The following DSG2 variants were observed in gnomAD, a reference collection of about 807,000 sequenced individuals.
DSG2 encodes the protein desmoglein-2.
DSG2 carries 45 observed loss-of-function variants against 75.6 expected under a neutral mutation model. The ratio of observed to expected loss-of-function variants is 0.60; its 90% CI spans 0.47 to 0.76. The LOEUF is 0.76. DSG2 is among the 30% of genes least tolerant of loss of function. The pLI is 0.00. For missense variants in DSG2, 1,267 were observed against 1,357.4 expected (o/e 0.93, Z 1.05); for synonymous variants, 429 against 483.9 (o/e 0.89, Z 1.49).
intron 1 of DSG2, among the ~76,000 whole-genome samples, chr18:31,501,459 G>A (rs1424956885): frequency 6.6e-6 from 1 of 152,206 alleles, no homozygotes; most frequent in Non-Finnish European, 1.5e-5. Flanking sequence ...CAACAAAAAT[G>A]TATGATCTCA....
rs780300040 is a variant in DSG2 at position 31,519,893 on chromosome 18, C to T, written c.172C>T (p.Leu58Phe). 4 of 1,614,142 alleles carry T rather than the reference C, an allele frequency of 2.5e-6. No homozygotes were observed. The South Asian group carries it at 3.3e-5, about 13-fold the overall frequency. Residue 58 changes from leucine (L) to phenylalanine (F), a missense_variant, in exon 3 of 15, where the codon CTT becomes TTT. Transcript: ENST00000261590. Reference protein sequence around the residue: ...KRAWITAPVALREGEDLSKKN... With the variant: ...KRAWITAPVAFREGEDLSKKN... ...CGCCTGGATCACCGCCCCCGTGGCT[C>T]TTCGGGAGGGAGAGGATCTGTCCAA...
rs752432726 is a variant in DSG2, at chr18:31,524,754, A to C, written c.880A>C (p.Lys294Gln). The C allele has an allele frequency of 6.2e-7, 1 of 1,614,208 alleles. No homozygotes were observed. The change falls in exon 8 of 15, where the codon AAA becomes CAA. Residue 294 changes from lysine (K) to glutamine (Q), a missense_variant. Coordinates refer to ENST00000261590, the MANE Select transcript of DSG2 (RefSeq NM_001943.5). ...AGTCAACGTAGAAGTTACGCGCATA[A>C]AAGTGTTCGATGCAGATGAAATAGG... Reference protein sequence around the residue: ...NQVNVEVTRIKVFDADEIGSD... With the variant: ...NQVNVEVTRIQVFDADEIGSD...
At chr18:31,500,152 GT>G (rs2073006563) in intron 1 of DSG2, among the ~76,000 whole-genome samples, 1 of 151,928 alleles carries the variant, frequency 6.6e-6, no homozygotes, top group Non-Finnish European at 1.5e-5. Context: ...TCAGAGTTCA[GT>G]TGCAAATAAC....
At chr18:31,517,490 C>T (rs2144310366) in intron 1 of DSG2, among the ~76,000 whole-genome samples, 1 of 152,156 alleles carries the variant, frequency 6.6e-6, no homozygotes, top group Middle Eastern at 3.4e-3. Flanking sequence ...TAATTGACAT[C>T]CCAAGTATAC....
chr18:31,527,942 C>T (rs1036912693), intron 8 of DSG2, among the ~76,000 whole-genome samples: 1 of 152,148 alleles, frequency 6.6e-6, no homozygotes, highest in African/African-American at 2.4e-5. Flanking sequence ...TTTGAAAGAG[C>T]ATTGATCCCA....
At chr18:31,500,856 AAAGAGTTCCT>A (rs2073010120) in intron 1 of DSG2, among the ~76,000 whole-genome samples, 1 of 152,218 alleles carries the variant, frequency 6.6e-6, no homozygotes, top group Admixed American at 6.5e-5. Flanking sequence ...GATAGAATTC[AAAGAGTTCCT>A]AGAGATGGCA....
chr18:31,545,266 C>T (rs925398555), intron 14 of DSG2, among the ~76,000 whole-genome samples: 12 of 152,204 alleles, frequency 7.9e-5, no homozygotes, highest in Non-Finnish European at 1.3e-4. Flanking sequence ...CATTTTGCCA[C>T]ATTTGCTATT....
At chr18:31,515,611 A>G (rs1355108699) in intron 1 of DSG2, among the ~76,000 whole-genome samples, 1 of 152,204 alleles carries the variant, frequency 6.6e-6, no homozygotes, top group Non-Finnish European at 1.5e-5. Context: ...GGTTAGAGAC[A>G]TCTCTGGCCA....
intron 1 of DSG2, among the ~76,000 whole-genome samples, chr18:31,505,932 C>T (rs796423876): frequency 7.9e-5 from 12 of 152,250 alleles, no homozygotes; most frequent in African/African-American, 2.6e-4. Context: ...GGATTACAGG[C>T]GTGAGCCACC....
chr18:31,515,911 G>A (rs1446989413), intron 1 of DSG2, among the ~76,000 whole-genome samples: 2 of 152,212 alleles, frequency 1.3e-5, no homozygotes, highest in Admixed American at 6.5e-5. Flanking sequence ...GGAATGCCTT[G>A]TTTCCCATGA....
At chr18:31,533,986 T>C (rs1403714255) in intron 9 of DSG2, among the ~76,000 whole-genome samples, 1 of 132,996 alleles carries the variant, frequency 7.5e-6, no homozygotes, top group Non-Finnish European at 1.6e-5. Context: ...ACATTTCTTT[T>C]TTTTCTTTTT....
At chr18:31,524,230 T>C (rs909301225) in intron 6 of DSG2, among the ~76,000 whole-genome samples, 5 of 152,340 alleles carry the variant, frequency 3.3e-5, no homozygotes, top group East Asian at 3.9e-4. Flanking sequence ...CAATGACTTA[T>C]TGAAGAATTT....
intron 9 of DSG2, among the ~76,000 whole-genome samples, chr18:31,534,508 A>ATTTTTTTTTTT (rs80270967): frequency 5.3e-5 from 6 of 112,584 alleles, no homozygotes; most frequent in East Asian, 2.9e-4. Context: ...ATGATCATTG[A>ATTTTTTTTTTT]TTTTTTTTTT....
chr18:31,502,623 T>C (rs2073019376), intron 1 of DSG2, among the ~76,000 whole-genome samples: 1 of 152,020 alleles, frequency 6.6e-6, no homozygotes, highest in African/African-American at 2.4e-5. Context: ...TGGTGGCACA[T>C]GCCTGTAGTC....
chr18:31,542,408 A>G (rs2073273914), intron 13 of DSG2, 112 bp from the exon 14 acceptor site: 4 of 1,081,494 alleles, frequency 3.7e-6, no homozygotes, highest in Admixed American at 3.4e-5. Context: ...AACTGGCCTC[A>G]GTGGAAATAG....
At chr18:31,542,989 A>ACTT in intron 14 of DSG2, 137 bp downstream of exon 14, 1 of 720,554 alleles carries the variant, frequency 1.4e-6, no homozygotes. Flanking sequence ...TTCAGGGAAT[A>ACTT]CTTATAGGCA....
chr18:31,502,416 G>A (rs894080468), intron 1 of DSG2, among the ~76,000 whole-genome samples: 3 of 152,156 alleles, frequency 2.0e-5, no homozygotes. Flanking sequence ...ACATTGAATA[G>A]GGATAAGTGT....
At chr18:31,513,575 T>C (rs1374056198) in intron 1 of DSG2, among the ~76,000 whole-genome samples, 1 of 152,220 alleles carries the variant, frequency 6.6e-6, no homozygotes, top group Non-Finnish European at 1.5e-5. Context: ...ACACTGAAGA[T>C]GAGAGAAAAT....
In DSG2 at chr18:31,520,789, T is replaced by C. The variant is rs754180701; in HGVS notation, c.217-14T>C. On this transcript the variant is annotated splice_polypyrimidine_tract_variant and intron_variant, in intron 3 of 14. Transcript: ENST00000261590. ...AGAGTTCAACCTGAAACATTCCTGT[T>C]ATTTTTATGTTAGATACATTCTGAT... 1 of 1,612,910 alleles carries C rather than the reference T, an allele frequency of 6.2e-7. No homozygotes were observed. Among genetic ancestry groups the C allele is most frequent in the Admixed American group, 1.7e-5 (1 of 59,990 alleles).
Sources: allele counts gnomAD v4.1 joint callset (sites outside exome capture counted in the v4.1 genomes callset), GRCh38; gene constraint gnomAD v4.1.1; transcripts MANE v1.5; gene names NCBI Gene and HGNC (gene_info 2026-07-23, HGNC 2026-07-21).